Variants in CA10 observed in about 807,000 individuals in gnomAD.
CA10 encodes carbonic anhydrase 10 (inactive).
In CA10, 14 loss-of-function variants were observed where a neutral mutation model predicts 44.2. That is an observed-to-expected ratio of 0.32 (90% CI 0.21 to 0.50). The LOEUF is 0.50. Among genes scored for constraint, CA10 ranks in the 20% least tolerant of loss-of-function variants. The pLI, the probability that CA10 is intolerant of heterozygous loss-of-function variation, is 0.99. For missense variants in CA10, 350 were observed against 409.7 expected (o/e 0.85, Z 1.26); for synonymous variants, 159 against 141.6 (o/e 1.12, Z -0.87).
chr17:51,950,634 T>C (rs203010), intron 2 of CA10, among the ~76,000 whole-genome samples: 76,650 of 151,870 alleles, frequency 0.5, 19,870 homozygotes, highest in African/African-American at 0.58. Flanking sequence ...TAGTTCCCTA[T>C]TATTAGAAGG....
At chr17:52,144,545 C>G (rs1227810695) in intron 1 of CA10, among the ~76,000 whole-genome samples, 1 of 152,100 alleles carries the variant, frequency 6.6e-6, no homozygotes, top group African/African-American at 2.4e-5. Flanking sequence ...GGGCAAGACC[C>G]AGTAAACTGT....
intron 1 of CA10, among the ~76,000 whole-genome samples, chr17:52,144,713 A>G (rs1160618291): frequency 1.3e-5 from 2 of 152,216 alleles, no homozygotes; most frequent in African/African-American, 4.8e-5. Flanking sequence ...TTTCACATGC[A>G]TTGGCTCATT....
At chr17:51,752,100 T>C (rs1326657690) in intron 3 of CA10, among the ~76,000 whole-genome samples, 1 of 151,990 alleles carries the variant, frequency 6.6e-6, no homozygotes, top group Non-Finnish European at 1.5e-5. Context: ...TTTTCCCCAC[T>C]CTTCCCATAG....
chr17:51,789,828 G>A (rs1392713102), intron 3 of CA10, among the ~76,000 whole-genome samples: 1 of 152,198 alleles, frequency 6.6e-6, no homozygotes. Flanking sequence ...CTTGTAAGGG[G>A]CCTGTGAAAC....
intron 3 of CA10, among the ~76,000 whole-genome samples, chr17:51,753,971 G>C (rs1904984854): frequency 6.6e-6 from 1 of 152,066 alleles, no homozygotes; most frequent in South Asian, 2.1e-4. Flanking sequence ...AGCCTCCCAA[G>C]TAGCTGGGAT....
chr17:51,687,499 A>G (rs891155327), intron 4 of CA10, among the ~76,000 whole-genome samples: 5 of 152,212 alleles, frequency 3.3e-5, no homozygotes, highest in Non-Finnish European at 7.3e-5. Context: ...TGAATGAATG[A>G]ATGAATGAAT....
intron 3 of CA10, among the ~76,000 whole-genome samples, chr17:51,795,831 T>C (rs1906683970): frequency 6.6e-6 from 1 of 152,216 alleles, no homozygotes; most frequent in Non-Finnish European, 1.5e-5. Context: ...TAGGAAGGAA[T>C]AGGTGTGAGT....
At chr17:51,658,564 G>A (rs1363993181) in intron 4 of CA10, among the ~76,000 whole-genome samples, 2 of 152,140 alleles carry the variant, frequency 1.3e-5, no homozygotes, top group African/African-American at 2.4e-5. Flanking sequence ...TAGAGAACAC[G>A]GCCAATGCAA....
intron 4 of CA10, among the ~76,000 whole-genome samples, chr17:51,674,532 T>G (rs1246994893): frequency 6.6e-6 from 1 of 152,240 alleles, no homozygotes; most frequent in Non-Finnish European, 1.5e-5. Flanking sequence ...TTCTAGCTTT[T>G]TTCTTTCCCA....
At chr17:51,753,150 C>T (rs908329678) in intron 3 of CA10, among the ~76,000 whole-genome samples, 6 of 152,148 alleles carry the variant, frequency 3.9e-5, no homozygotes, top group Middle Eastern at 3.4e-3. Context: ...TCCTCACCTG[C>T]GGAATTCATA....
chr17:51,962,054 G>A (rs994614765), intron 2 of CA10, among the ~76,000 whole-genome samples: 1 of 152,194 alleles, frequency 6.6e-6, no homozygotes, highest in Non-Finnish European at 1.5e-5. Flanking sequence ...GTGAAGCAGG[G>A]CCCTCTCTGC....
At chr17:51,734,778 G>GTCTT (rs1916842417) in intron 4 of CA10, among the ~76,000 whole-genome samples, 2 of 152,102 alleles carry the variant, frequency 1.3e-5, no homozygotes, top group Admixed American at 1.3e-4. Context: ...CTGAGTGAAT[G>GTCTT]TCTTAGTCCA....
intron 2 of CA10, among the ~76,000 whole-genome samples, chr17:52,003,676 T>C (rs574505453): frequency 1.3e-5 from 2 of 151,970 alleles, no homozygotes; most frequent in East Asian, 3.9e-4. Flanking sequence ...AGGGATTTGA[T>C]ATGGAACTTG....
Position 52,131,764 on chromosome 17 carries a change from T to C in CA10, c.61+25962A>G, listed in dbSNP as rs149715726. Among the ~76,000 whole-genome samples, 1,068 of 152,292 alleles carry C rather than the reference T, an allele frequency of 7.0e-3. 17 individuals carry two copies. Among genetic ancestry groups the C allele is most frequent in the African/African-American group, 0.024 (1,013 of 41,546 alleles). The stretch of plus-strand genomic sequence containing the variant: ...ATAGACTATATTGTATGTGTATTGG[T>C]GAACTAGAAATAGATCAGCTCTCAA... On this transcript the variant is annotated intron_variant, in intron 1 of 8. Coordinates refer to ENST00000451037, the MANE Select transcript of CA10 (RefSeq NM_020178.5).
chr17:51,651,831 G>T (rs1287263630), intron 5 of CA10, among the ~76,000 whole-genome samples: 1 of 152,176 alleles, frequency 6.6e-6, no homozygotes, highest in Non-Finnish European at 1.5e-5. Flanking sequence ...GGGCAGGCAG[G>T]ATTTGTGCTG....
chr17:51,808,769 AAAAGT>A (rs1272629514), intron 3 of CA10, among the ~76,000 whole-genome samples: 1 of 152,230 alleles, frequency 6.6e-6, no homozygotes, highest in East Asian at 1.9e-4. Flanking sequence ...ACACATGTCT[AAAAGT>A]AAAGTATACT....
intron 2 of CA10, among the ~76,000 whole-genome samples, chr17:51,992,512 G>T (rs1985078325): frequency 6.6e-6 from 1 of 152,114 alleles, no homozygotes; most frequent in African/African-American, 2.4e-5. Flanking sequence ...GTAAAGGCTG[G>T]ACTGATTACC....
chr17:51,763,746 C>T (rs1905278768), intron 3 of CA10, among the ~76,000 whole-genome samples: 1 of 152,008 alleles, frequency 6.6e-6, no homozygotes, highest in African/African-American at 2.4e-5. Context: ...TGCTTATATA[C>T]ACACACACAC....
At chr17:52,016,200 T>G (rs1985962949) in intron 2 of CA10, among the ~76,000 whole-genome samples, 1 of 152,080 alleles carries the variant, frequency 6.6e-6, no homozygotes, top group Admixed American at 6.5e-5. Flanking sequence ...GCATCCAGAG[T>G]GCTTTGTAGC....
Sources: gnomAD v4.1 joint callset for allele counts (sites outside exome capture counted in the v4.1 genomes callset) on GRCh38, gnomAD v4.1.1 for gene constraint, MANE v1.5 for transcripts, NCBI Gene and HGNC (gene_info 2026-07-23, HGNC 2026-07-21) for gene names.